The following LRRC4C variants were observed in gnomAD, a reference collection of about 807,000 sequenced individuals.
LRRC4C encodes leucine rich repeat containing 4C.
A neutral mutation model predicts 33.6 loss-of-function variants in LRRC4C; 5 were observed. The observed-to-expected ratio is 0.15, with a 90% confidence interval of 0.08 to 0.31. LRRC4C has a LOEUF of 0.31. Ranked by LOEUF, LRRC4C falls within the 10% of genes least tolerant of loss-of-function variation. LRRC4C has a pLI of 1.00. For synonymous variants in LRRC4C, 329 were observed against 302.0 expected (o/e 1.09, Z -0.93); for missense variants, 560 against 796.7 (o/e 0.70, Z 3.58).
At chr11:40,690,444 A>G (rs1049663657) in intron 2 of LRRC4C, among the ~76,000 whole-genome samples, 9 of 152,088 alleles carry the variant, frequency 5.9e-5, no homozygotes, top group Non-Finnish European at 1.3e-4. Flanking sequence ...TTCACCCATC[A>G]TCACTTGCAG....
chr11:40,940,525 A>G (rs1958094793), intron 1 of LRRC4C, among the ~76,000 whole-genome samples: 1 of 152,126 alleles, frequency 6.6e-6, no homozygotes, highest in South Asian at 2.1e-4. Context: ...TTTTGTCAGT[A>G]ACTTACTTCA....
intron 3 of LRRC4C, among the ~76,000 whole-genome samples, chr11:40,364,781 G>A (rs75962305): frequency 0.026 from 3,939 of 151,954 alleles, 159 homozygotes; most frequent in African/African-American, 0.088. Context: ...AAATGGTAAT[G>A]CATCTTATAA....
intron 2 of LRRC4C, among the ~76,000 whole-genome samples, chr11:40,681,985 A>G (rs929320131): frequency 2.6e-5 from 4 of 152,134 alleles, no homozygotes; most frequent in African/African-American, 9.7e-5. Flanking sequence ...GACAACAAAT[A>G]TGGTGCAGTG....
intron 1 of LRRC4C, among the ~76,000 whole-genome samples, chr11:41,324,522 T>C (rs1054662583): frequency 6.6e-6 from 1 of 152,224 alleles, no homozygotes; most frequent in Non-Finnish European, 1.5e-5. Context: ...ATTATAGTGA[T>C]AATAATCCTT....
At chr11:40,804,769 T>A (rs1951176111) in intron 2 of LRRC4C, among the ~76,000 whole-genome samples, 1 of 152,208 alleles carries the variant, frequency 6.6e-6, no homozygotes, top group Admixed American at 6.5e-5. Flanking sequence ...GAAATTATTT[T>A]TTTTTCTCAC....
chr11:41,010,038 T>A (rs962144578), intron 1 of LRRC4C, among the ~76,000 whole-genome samples: 1 of 152,080 alleles, frequency 6.6e-6, no homozygotes, highest in African/African-American at 2.4e-5. Context: ...CATGTGACTA[T>A]AAGACAAAGA....
chr11:40,175,887 C>A (rs1306358921), intron 5 of LRRC4C, among the ~76,000 whole-genome samples: 1 of 152,098 alleles, frequency 6.6e-6, no homozygotes, highest in Non-Finnish European at 1.5e-5. Flanking sequence ...CTTCACCCTG[C>A]CACCACTATA....
intron 3 of LRRC4C, among the ~76,000 whole-genome samples, chr11:40,616,890 C>T (rs1259002884): frequency 4.9e-5 from 7 of 142,772 alleles, no homozygotes; most frequent in South Asian, 4.7e-4. Context: ...TGCACATGTA[C>T]CATAAAACTT....
intron 2 of LRRC4C, among the ~76,000 whole-genome samples, chr11:40,755,097 A>G (rs911281002): frequency 6.6e-6 from 1 of 152,132 alleles, no homozygotes; most frequent in Non-Finnish European, 1.5e-5. Context: ...TTGAGTTTGC[A>G]TGATAAAGTT....
At chr11:40,673,278 C>T (rs1944225037) in intron 2 of LRRC4C, among the ~76,000 whole-genome samples, 1 of 152,052 alleles carries the variant, frequency 6.6e-6, no homozygotes, top group Admixed American at 6.6e-5. Context: ...TGAGAAATTA[C>T]CTGCTGCTTT....
intron 6 of LRRC4C, among the ~76,000 whole-genome samples, chr11:40,118,754 C>T (rs1464536133): frequency 9.9e-5 from 15 of 152,010 alleles, no homozygotes; most frequent in Admixed American, 1.3e-4. Flanking sequence ...GGAATAAGAT[C>T]GGGTAAAGAC....
chr11:40,576,881 A>C (rs2135598736), intron 3 of LRRC4C, among the ~76,000 whole-genome samples: 1 of 152,304 alleles, frequency 6.6e-6, no homozygotes, highest in Admixed American at 6.5e-5. Context: ...TGCGCTCATT[A>C]AATGTTCATA....
intron 2 of LRRC4C, among the ~76,000 whole-genome samples, chr11:40,894,799 A>G (rs1955865092): frequency 6.6e-6 from 1 of 152,076 alleles, no homozygotes; most frequent in African/African-American, 2.4e-5. Context: ...GCCTGGAACC[A>G]CTTTAATTTC....
intron 2 of LRRC4C, among the ~76,000 whole-genome samples, chr11:40,867,231 T>A (rs948997832): frequency 6.6e-6 from 1 of 152,196 alleles, no homozygotes; most frequent in Non-Finnish European, 1.5e-5. Context: ...AAATTAGAAC[T>A]ACTTCCATCA....
chr11:40,291,965 G>A (rs867696130), intron 4 of LRRC4C, among the ~76,000 whole-genome samples: 10 of 151,242 alleles, frequency 6.6e-5, no homozygotes, highest in African/African-American at 2.4e-4. Flanking sequence ...ATTTGCAAAG[G>A]CGTCTGCCCA....
At chr11:40,766,899 A>C (rs1949501702) in intron 2 of LRRC4C, among the ~76,000 whole-genome samples, 1 of 151,036 alleles carries the variant, frequency 6.6e-6, no homozygotes, top group African/African-American at 2.4e-5. Flanking sequence ...GAAAAGAGGA[A>C]AGGAGGGAGG....
intron 3 of LRRC4C, among the ~76,000 whole-genome samples, chr11:40,438,799 G>T (rs904269324): frequency 1.3e-4 from 19 of 151,780 alleles, no homozygotes; most frequent in African/African-American, 3.9e-4. Flanking sequence ...TTTTATTTTT[G>T]CCAAGGTCAT....
intron 3 of LRRC4C, among the ~76,000 whole-genome samples, chr11:40,515,211 T>C (rs1218231210): frequency 6.6e-5 from 10 of 152,110 alleles, no homozygotes; most frequent in African/African-American, 2.4e-4. Context: ...ATGTATTTTT[T>C]CACCTTTTCC....
intron 1 of LRRC4C, among the ~76,000 whole-genome samples, chr11:41,407,500 C>G (rs1346146943): frequency 6.6e-6 from 1 of 152,034 alleles, no homozygotes; most frequent in East Asian, 1.9e-4. Context: ...TAGGGTCTCA[C>G]AATGTTGCCT....
Sources: gnomAD v4.1 joint callset for allele counts (sites outside exome capture counted in the v4.1 genomes callset) on GRCh38, gnomAD v4.1.1 for gene constraint, MANE v1.5 for transcripts, NCBI Gene and HGNC (gene_info 2026-07-23, HGNC 2026-07-21) for gene names.